HMGCLL1: variants seen among roughly 807,000 people sequenced by gnomAD.
HMGCLL1 encodes 3-hydroxymethyl-3-methylglutaryl-CoA lyase, cytoplasmic.
Under a neutral mutation model 39.1 loss-of-function variants are expected in HMGCLL1, and 36 were observed. That is an observed-to-expected ratio of 0.92 (90% confidence interval 0.71 to 1.22). The LOEUF is 1.22. HMGCLL1 is among the 50% of genes most tolerant of loss of function. HMGCLL1 has a pLI of 0.00. For synonymous variants in HMGCLL1, 149 were observed against 144.0 expected, an observed-to-expected ratio of 1.03 and a Z score of -0.25; for missense variants, 451 against 416.5, an observed-to-expected ratio of 1.08 and a Z score of -0.72.
At chr6:55,665,136 C>T in the HMGCLL1 span, among the ~76,000 whole-genome samples, 1 of 151,594 alleles carries the variant, frequency 6.6e-6, no homozygotes, top group African/African-American at 2.4e-5. Flanking sequence ...TTAGAATTTG[C>T]CTACAACCTA....
At chr6:55,562,866 G>A (rs1261586992) in intron 1 of HMGCLL1, among the ~76,000 whole-genome samples, 1 of 151,712 alleles carries the variant, frequency 6.6e-6, no homozygotes, top group Admixed American at 6.6e-5. Flanking sequence ...GTCCTCAATT[G>A]CTGCAGTTCC....
intron 7 of HMGCLL1, among the ~76,000 whole-genome samples, chr6:55,479,112 C>T (rs574854246): frequency 1.2e-4 from 18 of 151,358 alleles, no homozygotes; most frequent in East Asian, 1.9e-4. Context: ...TTGACACTTG[C>T]GTTTTGCAGC....
At chr6:55,467,671 AC>A (rs1294631128) in intron 7 of HMGCLL1, among the ~76,000 whole-genome samples, 1 of 152,034 alleles carries the variant, frequency 6.6e-6, no homozygotes, top group Non-Finnish European at 1.5e-5. Context: ...AAAACAAATT[AC>A]TCATTGGGAT....
At chr6:55,568,068 C>T (rs1439691232) in intron 1 of HMGCLL1, among the ~76,000 whole-genome samples, 3 of 151,920 alleles carry the variant, frequency 2.0e-5, no homozygotes, top group Non-Finnish European at 4.4e-5. Context: ...CTAAAAATGA[C>T]CTTCACATAA....
chr6:55,660,314 C>A, the HMGCLL1 span, among the ~76,000 whole-genome samples: 2 of 151,614 alleles, frequency 1.3e-5, no homozygotes, highest in African/African-American at 4.8e-5. Flanking sequence ...ATTTTGTCAC[C>A]CGGGTACTAA....
chr6:55,623,708 ATATATAT>A, the HMGCLL1 span, among the ~76,000 whole-genome samples: 1 of 149,480 alleles, frequency 6.7e-6, no homozygotes, highest in Middle Eastern at 3.3e-3. Context: ...TACACATATA[ATATATAT>A]TACATATATA....
chr6:55,561,561 C>T (rs1400849731), intron 1 of HMGCLL1, among the ~76,000 whole-genome samples: 1 of 152,052 alleles, frequency 6.6e-6, no homozygotes, highest in African/African-American at 2.4e-5. Flanking sequence ...CTAACCAGCT[C>T]ACAGATGATG....
chr6:55,674,127 A>G, the HMGCLL1 span, among the ~76,000 whole-genome samples: 1 of 151,988 alleles, frequency 6.6e-6, no homozygotes, highest in Non-Finnish European at 1.5e-5. Flanking sequence ...TGATGTTGAT[A>G]CATGTTACCA....
At chr6:55,440,909 G>C (rs146346465) in intron 7 of HMGCLL1, among the ~76,000 whole-genome samples, 405 of 152,014 alleles carry the variant, frequency 2.7e-3, no homozygotes, top group African/African-American at 8.8e-3. Context: ...AATAGTTTTT[G>C]ATTTTCACAA....
At chr6:55,487,674 A>G (rs889768533) in intron 7 of HMGCLL1, among the ~76,000 whole-genome samples, 1 of 151,984 alleles carries the variant, frequency 6.6e-6, no homozygotes, top group East Asian at 1.9e-4. Context: ...TATGTGCCAC[A>G]TTTTCTTAAT....
the HMGCLL1 span, among the ~76,000 whole-genome samples, chr6:55,640,775 A>G: frequency 6.6e-6 from 1 of 151,664 alleles, no homozygotes; most frequent in Middle Eastern, 3.5e-3. Context: ...TGTATTATAT[A>G]TACTATTTAG....
chr6:55,678,187 T>C, the HMGCLL1 span, among the ~76,000 whole-genome samples: 1 of 152,138 alleles, frequency 6.6e-6, no homozygotes, highest in Non-Finnish European at 1.5e-5. Flanking sequence ...GGTGAGGTCA[T>C]ATTAAGTAGG....
chr6:55,523,932 A>G (rs1161663221), intron 3 of HMGCLL1, among the ~76,000 whole-genome samples: 1 of 151,980 alleles, frequency 6.6e-6, no homozygotes, highest in Non-Finnish European at 1.5e-5. Context: ...TATTCCATAT[A>G]ACAATTATAC....
intron 7 of HMGCLL1, among the ~76,000 whole-genome samples, chr6:55,479,821 A>G (rs1009748252): frequency 1.3e-5 from 2 of 151,664 alleles, no homozygotes; most frequent in African/African-American, 4.9e-5. Flanking sequence ...ATTTGTTATA[A>G]AGTCCAATAC....
At chr6:55,494,540 A>C (rs1766480561) in intron 7 of HMGCLL1, among the ~76,000 whole-genome samples, 1 of 152,192 alleles carries the variant, frequency 6.6e-6, no homozygotes, top group African/African-American at 2.4e-5. Flanking sequence ...AAGGATTTGT[A>C]CACATATGTT....
At chr6:55,631,302 C>G in the HMGCLL1 span, among the ~76,000 whole-genome samples, 1 of 151,762 alleles carries the variant, frequency 6.6e-6, no homozygotes, top group Non-Finnish European at 1.5e-5. Flanking sequence ...TTTATGAAGA[C>G]TTTTTTTTAT....
chr6:55,500,457 T>C (rs1182168751), intron 5 of HMGCLL1, among the ~76,000 whole-genome samples: 1 of 151,964 alleles, frequency 6.6e-6, no homozygotes, highest in Non-Finnish European at 1.5e-5. Flanking sequence ...AGTAGAAAAA[T>C]AAAATACATA....
At chr6:55,645,279 C>G in the HMGCLL1 span, among the ~76,000 whole-genome samples, 1 of 151,732 alleles carries the variant, frequency 6.6e-6, no homozygotes, top group African/African-American at 2.4e-5. Flanking sequence ...ATTTGTTTAT[C>G]AGTTCTGGTA....
At chr6:55,461,995 A>G (rs1466311972) in intron 7 of HMGCLL1, among the ~76,000 whole-genome samples, 4 of 152,174 alleles carry the variant, frequency 2.6e-5, no homozygotes, top group Non-Finnish European at 5.9e-5. Context: ...TGTGGTCCAT[A>G]TAAATGACAT....
Sources: allele counts gnomAD v4.1 joint callset (sites outside exome capture counted in the v4.1 genomes callset), GRCh38; gene constraint gnomAD v4.1.1; transcripts MANE v1.5; gene names NCBI Gene and HGNC (gene_info 2026-07-23, HGNC 2026-07-21).